The following ATPAF2 variants were observed in gnomAD, a reference collection of about 807,000 sequenced individuals.
ATPAF2 encodes ATP synthase mitochondrial F1 complex assembly factor 2, also known as ATP12 homolog.
ATPAF2 carries 30 observed loss-of-function variants against 36.6 expected under a neutral mutation model. That is an observed-to-expected ratio of 0.82 (90% confidence interval 0.61 to 1.11). The LOEUF (loss-of-function observed/expected upper bound fraction) is 1.11. ATPAF2 is among the 50% of genes most tolerant of loss of function. The pLI is 0.00. For missense variants in ATPAF2, 321 were observed against 372.3 expected (o/e 0.86, Z 1.13); for synonymous variants, 140 against 152.6 (o/e 0.92, Z 0.61).
At chr17:18,020,768 T>C (rs2044458836) in intron 7 of ATPAF2, 1 of 225,224 alleles carries the variant, frequency 4.4e-6, no homozygotes, top group Non-Finnish European at 8.8e-6. Context: ...AACCTCCACC[T>C]CCCAGGTTCA....
intron 1 of ATPAF2, among the ~76,000 whole-genome samples, chr17:18,035,810 C>T (rs2145524064): frequency 6.6e-6 from 1 of 152,336 alleles, no homozygotes; most frequent in African/African-American, 2.4e-5. Context: ...TCAATCCACA[C>T]CACTATTCTA....
At position 18,018,461 on chromosome 17, in the gene ATPAF2, A is replaced by T. The variant is rs2044416296; in HGVS notation, c.*88T>A. 1 of 1,582,884 alleles carries T rather than the reference A, an allele frequency of 6.3e-7. No homozygotes were observed. The highest frequency in any genetic ancestry group is 1.7e-5 in the Admixed American group (1 of 59,932). ...AGGCCGAGTCCCCAAAAGCCAAGGA[A>T]GCCAGCCCCACAGGCTGGGGAGCCC... is the stretch of plus-strand genomic sequence containing the variant. On this transcript the variant is annotated 3_prime_UTR_variant, in exon 8 of 8. Transcript: ENST00000474627.
At chr17:18,036,982 A>G (rs2044711778) in intron 1 of ATPAF2, among the ~76,000 whole-genome samples, 1 of 151,762 alleles carries the variant, frequency 6.6e-6, no homozygotes, top group African/African-American at 2.4e-5. Context: ...GAGGCAGGAG[A>G]ATTGCTTGAA....
chr17:18,021,053 G>A (rs1423785969), intron 7 of ATPAF2, 70 bp downstream of exon 7: 16 of 1,550,262 alleles, frequency 1.0e-5, no homozygotes, highest in African/African-American at 2.7e-5. Context: ...ATTTCAGATG[G>A]GTTAGCTGCT....
intron 5 of ATPAF2, among the ~76,000 whole-genome samples, chr17:18,022,165 A>C (rs2044479265): frequency 6.6e-6 from 1 of 152,258 alleles, no homozygotes; most frequent in African/African-American, 2.4e-5. Flanking sequence ...AATCTCCATC[A>C]AAAGGCCATC....
chr17:18,028,220 TG>T lies in ATPAF2; in HGVS notation c.324+11del, dbSNP rs759127608. On this transcript the variant is annotated intron_variant, in intron 3 of 7. Transcript: ENST00000474627. The stretch of plus-strand genomic sequence containing the variant: ...GGTCTCAGGGTCCAGGTTCACACTG[TG>T]AACTTGTTACCAGGTGCATGGTGTA... 1 of 1,614,174 alleles carries T rather than the reference TG, an allele frequency of 6.2e-7. No individual in the cohort carries two copies. The highest frequency in any genetic ancestry group is 1.1e-5 in the South Asian group (1 of 91,086).
chr17:18,028,089 A>T, intron 3 of ATPAF2, 143 bp downstream of exon 3: 2 of 939,964 alleles, frequency 2.1e-6, no homozygotes, highest in Non-Finnish European at 3.5e-6. Flanking sequence ...TTAGCACGTT[A>T]GTGACTTGAG....
At chr17:18,021,666 G>C in intron 6 of ATPAF2, 79 bp downstream of exon 6, 2 of 1,254,190 alleles carry the variant, frequency 1.6e-6, no homozygotes, top group South Asian at 2.4e-5. Flanking sequence ...CACAGGACCT[G>C]GGGAGGGGCA....
chr17:18,016,724 G>C (rs2044379236), downstream of ATPAF2: 2 of 1,237,314 alleles, frequency 1.6e-6, no homozygotes, highest in South Asian at 2.5e-5. Context: ...CCCCAGCCAG[G>C]AGAAGGAAGT....
chr17:18,022,427 A>G (rs555474156), intron 5 of ATPAF2, among the ~76,000 whole-genome samples: 59 of 152,034 alleles, frequency 3.9e-4, no homozygotes, highest in African/African-American at 1.4e-3. Flanking sequence ...GACTACAGGC[A>G]TGTGCCACCA....
chr17:18,021,249 A>G lies in ATPAF2; in HGVS notation c.617-11T>C. 1 of 1,606,456 alleles carries G rather than the reference A, an allele frequency of 6.2e-7. No individual in the cohort carries two copies. The highest frequency in any genetic ancestry group is 1.1e-5 in the South Asian group (1 of 90,034). ...CTACAAACTCAATCCCTGCAGGGAC[A>G]CAAGCCAAGTCAGAACCCAAAACAG... On this transcript the variant is annotated splice_polypyrimidine_tract_variant and intron_variant, in intron 6 of 7. Coordinates refer to ENST00000474627, the MANE Select transcript of ATPAF2 (RefSeq NM_145691.4).
intron 1 of ATPAF2, among the ~76,000 whole-genome samples, chr17:18,030,669 C>CTTTT (rs545874481): frequency 7.4e-6 from 1 of 136,024 alleles, no homozygotes; most frequent in Admixed American, 7.4e-5. Flanking sequence ...TTTTCTTTTT[C>CTTTT]TTTTTTTTTT....
At chr17:18,016,145 G>C, downstream of ATPAF2, 1 of 1,614,040 alleles carries the variant, frequency 6.2e-7, no homozygotes, top group Non-Finnish European at 8.5e-7. Context: ...CAATCGAGAA[G>C]ATGAGCTGGT....
Position 18,024,665 on chromosome 17 carries a change from T to C in ATPAF2, c.462A>G (p.Gln154=). Reference sequence around the variant, plus strand: ...CGATGATTGGATCCCACTCATTCCTTTGAAGTTCCACTAATGTCTCGGGCT... The same window carrying C: ...CGATGATTGGATCCCACTCATTCCTCTGAAGTTCCACTAATGTCTCGGGCT... ...VEEPETLVEL[Q]RNEWDPIIEW... Residue 154 remains glutamine, a synonymous_variant, in exon 5 of 8, where the codon CAA becomes CAG. Transcript: ENST00000474627. The C allele has an allele frequency of 1.2e-6, 2 of 1,614,178 alleles. No individual in the cohort carries two copies. The highest frequency in any genetic ancestry group is 1.7e-6 in the Non-Finnish European group (2 of 1,180,030).
chr17:18,016,723 G>A (rs2044379120), downstream of ATPAF2: 4 of 1,235,982 alleles, frequency 3.2e-6, no homozygotes, highest in South Asian at 5.0e-5. Flanking sequence ...GCCCCAGCCA[G>A]GAGAAGGAAG....
downstream of ATPAF2, among the ~76,000 whole-genome samples, chr17:18,017,513 A>T (rs2044402216): frequency 6.6e-6 from 1 of 152,228 alleles, no homozygotes; most frequent in South Asian, 2.1e-4. Flanking sequence ...GGTTAGCCAC[A>T]AGGACCTGAG....
rs781064154 is a variant in ATPAF2 at position 18,021,877 on chromosome 17, G to A, written c.504-20C>T. On this transcript the variant is annotated intron_variant, in intron 5 of 7. Coordinates refer to ENST00000474627, the MANE Select transcript of ATPAF2 (RefSeq NM_145691.4). ...CCGTATCTGAAAGGAAAAGGGCTTC[G>A]GCATGTCTCTGTCATGCTGTAGCCC... 67 of 1,601,164 alleles carry A rather than the reference G, an allele frequency of 4.2e-5. No individual in the cohort carries two copies. The highest frequency in any genetic ancestry group is 1.7e-4 in the Middle Eastern group (1 of 6,048).
At chr17:18,016,493 G>A, downstream of ATPAF2, 1 of 1,207,274 alleles carries the variant, frequency 8.3e-7, no homozygotes, top group Non-Finnish European at 1.2e-6. Flanking sequence ...CCTCAAACTG[G>A]ATTCAGTGAA....
rs577338840 is a variant in ATPAF2 at position 18,020,540 on chromosome 17, C to T, written c.732+583G>A. Among the ~76,000 whole-genome samples, 43 of 152,372 alleles carry T rather than the reference C, an allele frequency of 2.8e-4. No individual in the cohort carries two copies. The South Asian group carries it at 8.3e-3, about 29-fold the overall frequency. ...CACATTTTCCAGAGGTGCAACCTTG[C>T]ACCTCCATTTCCTTCTGTGTAAAAC... On this transcript the variant is annotated intron_variant, in intron 7 of 7. Transcript: ENST00000474627.
Sources: allele counts gnomAD v4.1 joint callset (sites outside exome capture counted in the v4.1 genomes callset), GRCh38; gene constraint gnomAD v4.1.1; transcripts MANE v1.5; gene names NCBI Gene and HGNC (gene_info 2026-07-23, HGNC 2026-07-21).